Variants in GPR161 observed in about 807,000 individuals in gnomAD.
GPR161 encodes G protein-coupled receptor 161.
A neutral mutation model predicts 39.2 loss-of-function variants in GPR161; 25 were observed. The observed-to-expected ratio is 0.64, with a 90% CI of 0.47 to 0.89. The LOEUF (loss-of-function observed/expected upper bound fraction) is 0.89. Ranked by LOEUF, GPR161 falls within the 40% of genes least tolerant of loss-of-function variation. The probability of loss-of-function intolerance (pLI) is 0.00; values close to 1 mark genes in which losing one functional copy is unlikely to be tolerated. For missense variants in GPR161, 547 were observed against 677.8 expected (o/e 0.81, Z 2.14); for synonymous variants, 286 against 276.6 (o/e 1.03, Z -0.34).
At chr1:168,131,914 G>C (rs1453491991) in intron 1 of GPR161, among the ~76,000 whole-genome samples, 1 of 152,198 alleles carries the variant, frequency 6.6e-6, no homozygotes, top group Non-Finnish European at 1.5e-5. Flanking sequence ...GGAGGAATTA[G>C]AGGAAGTGTA....
intron 4 of GPR161, chr1:168,088,161 C>A (rs34058770): frequency 0.21 from 31,425 of 153,238 alleles, 3,928 homozygotes; most frequent in Admixed American, 0.37. Flanking sequence ...ATGTAGAGTT[C>A]TTTGGGGATC....
chr1:168,109,009 T>G (rs978552831), intron 1 of GPR161, among the ~76,000 whole-genome samples: 3 of 152,220 alleles, frequency 2.0e-5, no homozygotes, highest in African/African-American at 7.2e-5. Context: ...GATTGGTGAT[T>G]GGACGTATCA....
In GPR161 at chr1:168,095,083, C is replaced by T. The variant is rs952328501; in HGVS notation, c.1099+1425G>A. On this transcript the variant is annotated intron_variant, in intron 3 of 5. Transcript: ENST00000682931. ...GCTATGATGTACAGGAAGGGCACAT[C>T]GCCCCTGTGGCATTTTTGCCAAAAA... is the stretch of plus-strand genomic sequence containing the variant. Among the ~76,000 whole-genome samples the T allele has an allele frequency of 4.1e-4, 63 of 152,174 alleles. 1 individual carries two copies. Among genetic ancestry groups the T allele is most frequent in the African/African-American group, 1.5e-3 (62 of 41,438 alleles).
chr1:168,127,709 T>C (rs985961638), intron 1 of GPR161, among the ~76,000 whole-genome samples: 2 of 152,240 alleles, frequency 1.3e-5, no homozygotes, highest in African/African-American at 2.4e-5. Flanking sequence ...ATGAGACTCA[T>C]GCACTATGAG....
At chr1:168,131,972 T>A (rs575563222) in intron 1 of GPR161, among the ~76,000 whole-genome samples, 42 of 152,320 alleles carry the variant, frequency 2.8e-4, no homozygotes, top group African/African-American at 9.1e-4. Context: ...GCATTTAAAA[T>A]GCACATAACT....
At position 168,092,154 on chromosome 1, in the gene GPR161, T is replaced by C. The variant is rs368082836; in HGVS notation, c.1100-1486A>G. Among the ~76,000 whole-genome samples, 40 of 152,338 alleles carry C rather than the reference T, an allele frequency of 2.6e-4. No homozygotes were observed. In the East Asian group the frequency reaches 4.8e-3, roughly 18 times the overall value. ...TTGACTGGGGGTTACTGTAGGGAGCTGGGACCAGAAAGGCCCCAATCCTTT... is the reference window on the plus strand; with the variant it reads ...TTGACTGGGGGTTACTGTAGGGAGCCGGGACCAGAAAGGCCCCAATCCTTT... On this transcript the variant is annotated intron_variant, in intron 3 of 5. Transcript: ENST00000682931.
intron 1 of GPR161, among the ~76,000 whole-genome samples, chr1:168,115,632 C>T (rs1697555336): frequency 6.6e-6 from 1 of 152,148 alleles, no homozygotes. Context: ...TCCTAAGGGA[C>T]AGCCTGAGAG....
intron 1 of GPR161, among the ~76,000 whole-genome samples, chr1:168,111,965 A>G (rs1356368969): frequency 7.7e-5 from 5 of 64,616 alleles, no homozygotes; most frequent in Non-Finnish European, 1.7e-4. Flanking sequence ...TCTTCAACAG[A>G]AAAAAAAAAA....
chr1:168,126,544 T>A (rs937867701), intron 1 of GPR161, among the ~76,000 whole-genome samples: 1 of 152,126 alleles, frequency 6.6e-6, no homozygotes, highest in Non-Finnish European at 1.5e-5. Context: ...CTCGAACTCT[T>A]GGACTCAGGT....
chr1:168,096,167 G>A (rs1467039837), intron 3 of GPR161, among the ~76,000 whole-genome samples: 3 of 144,506 alleles, frequency 2.1e-5, no homozygotes, highest in Non-Finnish European at 1.5e-5. Flanking sequence ...AAAAGAGAGA[G>A]AGAACTAACT....
At position 168,081,701 on chromosome 1, in the gene GPR161, C is replaced by T. The variant is rs755222498; in HGVS notation, c.*3830G>A. The stretch of plus-strand genomic sequence containing the variant: ...ACTCATGACTTAACCATACCCACGT[C>T]TTCACCATCCTCACTATATCACACT... On this transcript the variant is annotated 3_prime_UTR_variant, in exon 6 of 6. Transcript: ENST00000682931. The T allele has an allele frequency of 2.0e-5, 3 of 152,268 alleles. No homozygotes were observed. Among genetic ancestry groups the T allele is most frequent in the Non-Finnish European group, 2.9e-5 (2 of 68,068 alleles). The allele number at this position is 152,268 out of a possible 1,614,324, so 9.4% of individuals were successfully genotyped here.
intron 3 of GPR161, among the ~76,000 whole-genome samples, chr1:168,091,872 CACTGCCTGGCAGATTTTGCAA>C (rs1251711257): frequency 6.6e-6 from 1 of 152,188 alleles, no homozygotes; most frequent in Non-Finnish European, 1.5e-5. Context: ...GAAGAAGATC[CACTGCCTGGCAGATTTTGCAA>C]TCTGCCATAA....
rs1694939941 is a variant in GPR161, at chr1:168,090,430, A to T, written c.1204+134T>A. On this transcript the variant is annotated intron_variant, in intron 4 of 5. Transcript: ENST00000682931. ...CCACGACTGGAAACCCAGACTTATG[A>T]TTCTCACCCCCCACCCACCGTGGGA... 5 of 550,694 alleles carry T rather than the reference A, an allele frequency of 9.1e-6. No homozygotes were observed. The South Asian group carries it at 1.3e-4, about 15-fold the overall frequency. The allele number at this position is 550,694 out of a possible 1,614,324, so 34.1% of individuals were successfully genotyped here.
At chr1:168,107,564 G>GC (rs1412289415) in intron 1 of GPR161, among the ~76,000 whole-genome samples, 2 of 152,188 alleles carry the variant, frequency 1.3e-5, no homozygotes, top group Non-Finnish European at 2.9e-5. Flanking sequence ...ACCAGAGGCA[G>GC]CCCCTCAACC....
rs369092745 is a variant in GPR161 at position 168,098,912 on chromosome 1, G to A, written c.375-1680C>T. Among the ~76,000 whole-genome samples, 23 of 152,324 alleles carry A rather than the reference G, an allele frequency of 1.5e-4. No homozygotes were observed. In the South Asian group the frequency reaches 4.8e-3, roughly 32 times the overall value. On this transcript the variant is annotated intron_variant, in intron 2 of 5. Transcript: ENST00000682931. The surrounding 1 kb of genome is among the most constrained non-coding windows in gnomAD (Gnocchi z 4.1). ...TTCAAGTTCAGATGGAGGCTCTGAT[G>A]TCTATTAGCTATGTGACCTCAGCTA... is the stretch of plus-strand genomic sequence containing the variant.
intron 1 of GPR161, among the ~76,000 whole-genome samples, chr1:168,119,195 CATAT>C (rs3063902): frequency 9.1e-6 from 1 of 109,608 alleles, no homozygotes; most frequent in Non-Finnish European, 1.8e-5. Context: ...AAATCTCCAT[CATAT>C]ATATATATAT....
chr1:168,097,162 C>A lies in GPR161; in HGVS notation c.445G>T (p.Val149Phe). Residue 149 changes from valine (V) to phenylalanine (F), a missense_variant, in exon 3 of 6, where the codon GTC becomes TTC. Physicochemically the swap from Val to Phe is conservative, Grantham distance 50 (BLOSUM62 -1). Coordinates refer to ENST00000682931, the MANE Select transcript of GPR161 (RefSeq NM_001375883.1). ...ITGNRAVMAL[V>F]YIWLHSLIGC... ...ATGAGCGAGTGAAGCCAGATGTAGA[C>A]AAGTGCCATCACAGCCCGGTTCCCT... 6.2e-7 allele frequency: 1 copy of A among 1,614,068 alleles called. No individual in the cohort carries two copies. Among genetic ancestry groups the A allele is most frequent in the Non-Finnish European group, 8.5e-7 (1 of 1,180,034 alleles).
At position 168,129,459 on chromosome 1, in the gene GPR161, C is replaced by A. The variant is rs372051734; in HGVS notation, c.-45+7280G>T. ...CCACTGGAGAGACATGACTGACTTA[C>A]ACTTTCAAGAGGTCACTGTGCCTGC... On this transcript the variant is annotated intron_variant, in intron 1 of 5. Transcript: ENST00000682931. Among the ~76,000 whole-genome samples, 85 of 152,294 alleles carry A rather than the reference C, an allele frequency of 5.6e-4. 1 individual carries two copies. The highest frequency in any genetic ancestry group is 1.9e-3 in the African/African-American group (81 of 41,550).
In GPR161 at chr1:168,085,484, C is replaced by T; in HGVS notation, c.*47G>A. ...GGCACAGGCGGTGATGGGAACTCCT[C>T]CCCGGGCCAGCCTCTCAGGCTGCAG... is the stretch of plus-strand genomic sequence containing the variant. On this transcript the variant is annotated 3_prime_UTR_variant, in exon 6 of 6. Transcript: ENST00000682931. 1 of 1,569,972 alleles carries T rather than the reference C, an allele frequency of 6.4e-7. No individual in the cohort carries two copies. The highest frequency in any genetic ancestry group is 8.7e-7 in the Non-Finnish European group (1 of 1,151,874).
Sources: allele counts gnomAD v4.1 joint callset (sites outside exome capture counted in the v4.1 genomes callset), GRCh38; gene constraint gnomAD v4.1.1; non-coding constraint Gnocchi (gnomAD v3.1); transcripts MANE v1.5; gene names NCBI Gene and HGNC (gene_info 2026-07-23, HGNC 2026-07-21).